Variants in LANCL1 observed in about 807,000 individuals in gnomAD.
LANCL1 encodes glutathione S-transferase LANCL1.
In LANCL1, 50 loss-of-function variants were observed where a neutral mutation model predicts 50.6. The observed-to-expected ratio is 0.99, with a 90% CI of 0.79 to 1.25. The LOEUF is 1.25. LANCL1 is among the 50% of genes most tolerant of loss of function. The probability of loss-of-function intolerance (pLI) is 0.00; values close to 1 mark genes in which losing one functional copy is unlikely to be tolerated. For missense variants in LANCL1, 532 were observed against 480.7 expected (o/e 1.11, Z -1.00); for synonymous variants, 188 against 178.6 (o/e 1.05, Z -0.42).
intron 3 of LANCL1, among the ~76,000 whole-genome samples, chr2:210,459,840 G>A (rs1693792358): frequency 6.6e-6 from 1 of 151,876 alleles, no homozygotes; most frequent in Non-Finnish European, 1.5e-5. Context: ...CACGAAAGCT[G>A]TGAACTAGAT....
intron 3 of LANCL1, among the ~76,000 whole-genome samples, chr2:210,469,877 A>G (rs540930739): frequency 1.3e-5 from 2 of 152,256 alleles, no homozygotes; most frequent in Admixed American, 1.3e-4. Flanking sequence ...TCCTAAAGCA[A>G]AGTAACTCAC....
At chr2:210,434,701 G>C (rs1692859332) in intron 9 of LANCL1, 138 bp from the exon 10 acceptor site, 6 of 671,616 alleles carry the variant, frequency 8.9e-6, no homozygotes, top group South Asian at 7.6e-5. Context: ...ATCAACAAAG[G>C]GTGCCCACCA....
At chr2:210,437,440 T>G (rs150442413) in intron 7 of LANCL1, among the ~76,000 whole-genome samples, 2 of 152,132 alleles carry the variant, frequency 1.3e-5, no homozygotes, top group Non-Finnish European at 2.9e-5. Context: ...AGGAGTGGAA[T>G]TGCTAGATAA....
chr2:210,438,133 C>CTTTTT (rs397869730), intron 6 of LANCL1, among the ~76,000 whole-genome samples: 5 of 130,630 alleles, frequency 3.8e-5, no homozygotes, highest in African/African-American at 1.1e-4. Flanking sequence ...GTTTTTCTTT[C>CTTTTT]TTTTTTTTTT....
chr2:210,471,203 T>C (rs1280157450), intron 3 of LANCL1, among the ~76,000 whole-genome samples: 3 of 151,906 alleles, frequency 2.0e-5, no homozygotes, highest in Admixed American at 6.6e-5. Context: ...TGAGCCACCA[T>C]GCCCAGCTAA....
At position 210,472,000 on chromosome 2, in the gene LANCL1, G is replaced by C; in HGVS notation, c.158C>G (p.Ser53Ter). Residue 53 changes from serine (S) to a stop codon, truncating the protein, a stop_gained, in exon 3 of 10, where the codon TCA becomes TGA. Transcript: ENST00000450366. LOFTEE classifies it high-confidence loss of function. ...LLQQMERGLK[S>*]ADPRDGTGYT... Reference sequence around the variant, plus strand: ...ACCGGTGCCATCCCGAGGGTCTGCTGATTTCAGGCCTCTCTCCATTTGCTG... The same window carrying C: ...ACCGGTGCCATCCCGAGGGTCTGCTCATTTCAGGCCTCTCTCCATTTGCTG... The C allele has an allele frequency of 6.2e-7, 1 of 1,614,146 alleles. No individual in the cohort carries two copies. The highest frequency in any genetic ancestry group is 8.5e-7 in the Non-Finnish European group (1 of 1,179,988).
chr2:210,439,621 A>G (rs1693056823), intron 6 of LANCL1, among the ~76,000 whole-genome samples: 1 of 152,218 alleles, frequency 6.6e-6, no homozygotes. Context: ...TGTAGAATAA[A>G]TACGCTAGTC....
In LANCL1 at chr2:210,442,467, T is replaced by TTA. The variant is rs1384034721; in HGVS notation, c.408-1026_408-1025dup. On this transcript the variant is annotated intron_variant, in intron 4 of 9. Coordinates refer to ENST00000450366, the MANE Select transcript of LANCL1 (RefSeq NM_006055.3). ...AATACTTGCATAGAACCCCACTGAA[T>TTA]TATAGTTCATTCAATCCCTACGGAT... 7 of 152,320 alleles carry TTA rather than the reference T, an allele frequency of 4.6e-5. No homozygotes were observed. In the East Asian group the frequency reaches 1.4e-3, roughly 29 times the overall value. The allele number at this position is 152,320 out of a possible 1,614,324, so 9.4% of individuals were successfully genotyped here.
intron 3 of LANCL1, among the ~76,000 whole-genome samples, chr2:210,461,921 G>A (rs2105916331): frequency 6.6e-6 from 1 of 152,220 alleles, no homozygotes; most frequent in East Asian, 1.9e-4. Context: ...TATCTGCAAG[G>A]GAAGGAATCT....
chr2:210,455,057 T>C, intron 4 of LANCL1, 50 bp downstream of exon 4: 1 of 1,470,318 alleles, frequency 6.8e-7, no homozygotes, highest in Non-Finnish European at 9.5e-7. Flanking sequence ...ACATGCAGAA[T>C]TAATGCATAA....
chr2:210,451,881 T>C (rs73069786), intron 4 of LANCL1, among the ~76,000 whole-genome samples: 5,169 of 152,316 alleles, frequency 0.034, 243 homozygotes, highest in African/African-American at 0.12. Flanking sequence ...ATACATTCTA[T>C]AACGTAGATA....
intron 7 of LANCL1, among the ~76,000 whole-genome samples, chr2:210,436,974 A>T (rs1242426818): frequency 6.6e-6 from 1 of 152,174 alleles, no homozygotes; most frequent in Non-Finnish European, 1.5e-5. Context: ...AACATATCTA[A>T]TTCTCTGAAA....
chr2:210,467,739 AC>A (rs1694109179), intron 3 of LANCL1, among the ~76,000 whole-genome samples: 1 of 152,196 alleles, frequency 6.6e-6, no homozygotes, highest in South Asian at 2.1e-4. Flanking sequence ...TCAACTTTAC[AC>A]ATCTAACATT....
intron 1 of LANCL1, 78 bp downstream of exon 1, chr2:210,476,542 G>A (rs1055877350): frequency 9.2e-6 from 13 of 1,409,560 alleles, no homozygotes; most frequent in Non-Finnish European, 1.2e-5. Context: ...GGCGGTCCGA[G>A]TGGACCTCGG....
chr2:210,463,993 T>C (rs1056246338), intron 3 of LANCL1, among the ~76,000 whole-genome samples: 5 of 152,222 alleles, frequency 3.3e-5, no homozygotes, highest in Admixed American at 2.6e-4. Context: ...TCATACCCTC[T>C]GCTTCAATTT....
chr2:210,470,585 T>A (rs1694196565), intron 3 of LANCL1, among the ~76,000 whole-genome samples: 1 of 152,220 alleles, frequency 6.6e-6, no homozygotes, highest in African/African-American at 2.4e-5. Flanking sequence ...TCGATGAACA[T>A]TCCCTTTGAG....
At chr2:210,434,995 C>G (rs1328244736) in intron 9 of LANCL1, among the ~76,000 whole-genome samples, 2 of 152,034 alleles carry the variant, frequency 1.3e-5, no homozygotes, top group Non-Finnish European at 2.9e-5. Flanking sequence ...GCCTTATATC[C>G]CGGTGGAAGA....
In LANCL1 at chr2:210,476,188, T is replaced by G. The variant is rs1397486659; in HGVS notation, c.81+128A>C. ...ATATTAACATGTATTTTTAAATAATTTACGTATTTATCGTCGAATCATGTA... is the reference window on the plus strand; with the variant it reads ...ATATTAACATGTATTTTTAAATAATGTACGTATTTATCGTCGAATCATGTA... On this transcript the variant is annotated intron_variant, in intron 2 of 9. Transcript: ENST00000450366. 13 of 581,688 alleles carry G rather than the reference T, an allele frequency of 2.2e-5. No individual in the cohort carries two copies. In the Admixed American group the frequency reaches 3.3e-4, roughly 15 times the overall value. The allele number at this position is 581,688 out of a possible 1,614,324, so 36.0% of individuals were successfully genotyped here.
chr2:210,439,946 G>A (rs1366909940), intron 6 of LANCL1, among the ~76,000 whole-genome samples: 1 of 152,202 alleles, frequency 6.6e-6, no homozygotes, highest in Non-Finnish European at 1.5e-5. Context: ...TCCTTAAGGA[G>A]AGCTTCGTAA....
Sources: allele counts gnomAD v4.1 joint callset (sites outside exome capture counted in the v4.1 genomes callset), GRCh38; gene constraint gnomAD v4.1.1; transcripts MANE v1.5; gene names NCBI Gene and HGNC (gene_info 2026-07-23, HGNC 2026-07-21).